Variants in ARHGEF33 observed in about 807,000 individuals in gnomAD.
ARHGEF33 encodes Rho guanine nucleotide exchange factor 33.
A neutral mutation model predicts 101.9 loss-of-function variants in ARHGEF33; 72 were observed. The ratio of observed to expected loss-of-function variants is 0.71; its 90% CI spans 0.58 to 0.86. ARHGEF33 has a LOEUF of 0.86. ARHGEF33 is among the 40% of genes least tolerant of loss of function. ARHGEF33 has a pLI of 0.00. For synonymous variants in ARHGEF33, 499 were observed against 442.5 expected (o/e 1.13, Z -1.60); for missense variants, 1,169 against 1,111.3 (o/e 1.05, Z -0.74).
At chr2:38,963,974 G>A (rs528681925) in intron 16 of ARHGEF33, among the ~76,000 whole-genome samples, 2 of 152,062 alleles carry the variant, frequency 1.3e-5, no homozygotes, top group African/African-American at 2.4e-5. Flanking sequence ...TTATTATTAC[G>A]TTGTAATATA....
intron 9 of ARHGEF33, among the ~76,000 whole-genome samples, chr2:38,942,787 A>G (rs1343298257): frequency 6.6e-6 from 1 of 152,182 alleles, no homozygotes; most frequent in Non-Finnish European, 1.5e-5. Context: ...GCTTTATGCA[A>G]ATGTATGAGC....
At chr2:38,946,168 C>G (rs944658100) in intron 10 of ARHGEF33, among the ~76,000 whole-genome samples, 2 of 152,182 alleles carry the variant, frequency 1.3e-5, no homozygotes, top group Non-Finnish European at 2.9e-5. Context: ...CTCCAGCAGG[C>G]GGGAGGTCAT....
intron 2 of ARHGEF33, among the ~76,000 whole-genome samples, chr2:38,915,753 A>G (rs1375280794): frequency 6.6e-6 from 1 of 152,140 alleles, no homozygotes; most frequent in Admixed American, 6.5e-5. Flanking sequence ...ATTATGTCTC[A>G]TGGTGGCTCA....
rs1553343310 is a variant in ARHGEF33, at chr2:38,944,876, G to GGGGT, written c.920+847_920+848insGGTG. Among the ~76,000 whole-genome samples the GGGGT allele has an allele frequency of 1.4e-4, 20 of 145,742 alleles. 1 individual carries two copies. Among genetic ancestry groups the GGGGT allele is most frequent in the South Asian group, 8.9e-4 (4 of 4,514 alleles). ...ATCTTATGGTACTGAGTAATGCATG[G>GGGGT]GTGTGTGTGTGTGTGTGTGTGTGTG... On this transcript the variant is annotated intron_variant, in intron 10 of 17. Transcript: ENST00000409978.
chr2:38,968,416 C>T (rs57493312), intron 17 of ARHGEF33, among the ~76,000 whole-genome samples: 1 of 152,136 alleles, frequency 6.6e-6, no homozygotes, highest in Non-Finnish European at 1.5e-5. Flanking sequence ...TTTATATCAC[C>T]TGAAACAAGA....
At chr2:38,913,592 T>A (rs1666563412) in intron 2 of ARHGEF33, among the ~76,000 whole-genome samples, 1 of 151,874 alleles carries the variant, frequency 6.6e-6, no homozygotes, top group African/African-American at 2.4e-5. Context: ...CTGGCCAACA[T>A]GGCAAAAACC....
chr2:38,897,121 G>C (rs558268410), intron 2 of ARHGEF33, among the ~76,000 whole-genome samples: 2 of 152,148 alleles, frequency 1.3e-5, no homozygotes, highest in Non-Finnish European at 2.9e-5. Context: ...TCATCATATT[G>C]GTCAGGCTGG....
rs1490283300 is a variant in ARHGEF33 at position 38,958,117 on chromosome 2, A to G, written c.1454A>G (p.Glu485Gly). Residue 485 changes from glutamate (E) to glycine (G), a missense_variant, in exon 15 of 18, where the codon GAG becomes GGG. Glu to Gly is a moderately conservative substitution (Grantham distance 98). Transcript: ENST00000409978. ...GATGCTTCCCCCACTGCAGGTCCTG[A>G]GGCTGTCCGTGACACTGGGATCCAC... is the stretch of plus-strand genomic sequence containing the variant. ...GQDASPTAGPEAVRDTGIHSE... is the reference protein window; with the variant it reads ...GQDASPTAGPGAVRDTGIHSE... 1 of 1,551,986 alleles carries G rather than the reference A, an allele frequency of 6.4e-7. No homozygotes were observed. The highest frequency in any genetic ancestry group is 8.7e-7 in the Non-Finnish European group (1 of 1,147,098).
chr2:38,950,082 A>C (rs917510867), intron 10 of ARHGEF33, among the ~76,000 whole-genome samples: 2 of 152,190 alleles, frequency 1.3e-5, no homozygotes, highest in African/African-American at 4.8e-5. Context: ...GCAGGGACAC[A>C]CATCCAAACT....
At position 38,931,322 on chromosome 2, in the gene ARHGEF33, A is replaced by G. The variant is rs768610227; in HGVS notation, c.505+71A>G. 134 of 1,324,324 alleles carry G rather than the reference A, an allele frequency of 1.0e-4. No homozygotes were observed. The Middle Eastern group carries it at 2.6e-3, about 26-fold the overall frequency. 82.0% of individuals were successfully genotyped at this position (1,324,324 alleles called of 1,614,324 possible). ...AATTCCCCCAATTAAGAATGGGCTT[A>G]AACCCTCCATCTTTGTTAGAAGAAA... is the stretch of plus-strand genomic sequence containing the variant. On this transcript the variant is annotated intron_variant, in intron 7 of 17. Coordinates refer to ENST00000409978, the MANE Select transcript of ARHGEF33 (RefSeq NM_001145451.5).
intron 2 of ARHGEF33, among the ~76,000 whole-genome samples, chr2:38,918,397 G>T (rs1666681370): frequency 6.6e-6 from 1 of 152,192 alleles, no homozygotes; most frequent in African/African-American, 2.4e-5. Context: ...TGCCTTAGCT[G>T]CAAGGGAGGC....
chr2:38,925,596 C>T (rs573544387), intron 4 of ARHGEF33, among the ~76,000 whole-genome samples: 23 of 152,324 alleles, frequency 1.5e-4, no homozygotes, highest in African/African-American at 5.3e-4. Flanking sequence ...ATTCAGATTA[C>T]TTGCTGCTCA....
intron 2 of ARHGEF33, among the ~76,000 whole-genome samples, chr2:38,906,486 A>C (rs572881318): frequency 6.6e-6 from 1 of 152,270 alleles, no homozygotes; most frequent in African/African-American, 2.4e-5. Context: ...GATGTGGTAA[A>C]AATGTACTAA....
At chr2:38,890,968 G>GTTTTTTTTTTTTTTTTTT (rs11380408) in intron 1 of ARHGEF33, among the ~76,000 whole-genome samples, 1 of 145,010 alleles carries the variant, frequency 6.9e-6, no homozygotes. Flanking sequence ...CATACTATTG[G>GTTTTTTTTTTTTTTTTTT]TTTTTTTTTT....
chr2:38,921,443 T>G lies in ARHGEF33; in HGVS notation c.75+20T>G. ...TACCAGGTAAAGACAAATCGATTGT[T>G]TCAAATGCTCCCATGTATAATAGCA... On this transcript the variant is annotated intron_variant, in intron 4 of 17. Coordinates refer to ENST00000409978, the MANE Select transcript of ARHGEF33 (RefSeq NM_001145451.5). The G allele has an allele frequency of 6.7e-7, 1 of 1,499,472 alleles. No individual in the cohort carries two copies. Among genetic ancestry groups the G allele is most frequent in the Non-Finnish European group, 9.1e-7 (1 of 1,099,294 alleles). The allele number at this position is 1,499,472 out of a possible 1,614,324, so 92.9% of individuals were successfully genotyped here.
In ARHGEF33 at chr2:38,960,201, G is replaced by A; in HGVS notation, c.1896G>A (p.Glu632=). The stretch of plus-strand genomic sequence containing the variant: ...CGCTGCCCGCGCCCTACGACGAGGA[G>A]CCGTTCCAGGCTCCGGCCCTCTTCG... ...IFALPAPYDE[E]PFQAPALFEN... is the part of the protein sequence containing the mutation. Residue 632 remains glutamate (E), a synonymous_variant, in exon 16 of 18, where the codon GAG becomes GAA. Transcript: ENST00000409978. 1 of 1,545,252 alleles carries A rather than the reference G, an allele frequency of 6.5e-7. No individual in the cohort carries two copies. Among genetic ancestry groups the A allele is most frequent in the South Asian group, 1.2e-5 (1 of 83,914 alleles).
Position 38,956,890 on chromosome 2 carries a change from T to C in ARHGEF33, c.1222-9T>C, listed in dbSNP as rs1222989061. The C allele has an allele frequency of 6.4e-6, 10 of 1,551,764 alleles. No individual in the cohort carries two copies. The highest frequency in any genetic ancestry group is 8.7e-7 in the Non-Finnish European group (1 of 1,146,758). On this transcript the variant is annotated splice_polypyrimidine_tract_variant and intron_variant, in intron 13 of 17. Coordinates refer to ENST00000409978, the MANE Select transcript of ARHGEF33 (RefSeq NM_001145451.5). ...TATGCAATGCTACTTCCTTTTCCCC[T>C]CCATCCAGAACGTCCTGAAGTTCAC... is the stretch of plus-strand genomic sequence containing the variant.
intron 17 of ARHGEF33, among the ~76,000 whole-genome samples, chr2:38,966,566 GC>G (rs983362397): frequency 5.3e-5 from 8 of 152,176 alleles, no homozygotes; most frequent in Non-Finnish European, 8.8e-5. Flanking sequence ...CAGCGCTTCT[GC>G]ATTTAGGGGC....
chr2:38,949,610 A>AG (rs1667542798), intron 10 of ARHGEF33, among the ~76,000 whole-genome samples: 1 of 152,236 alleles, frequency 6.6e-6, no homozygotes, highest in Admixed American at 6.5e-5. Context: ...ATGGAAGGGT[A>AG]GAAAAAGTGC....
Sources: gnomAD v4.1 joint callset for allele counts (sites outside exome capture counted in the v4.1 genomes callset) on GRCh38, gnomAD v4.1.1 for gene constraint, MANE v1.5 for transcripts, NCBI Gene and HGNC (gene_info 2026-07-23, HGNC 2026-07-21) for gene names.